The following RNF115 variants were observed in gnomAD, a reference collection of about 807,000 sequenced individuals.
The protein encoded by RNF115 is E3 ubiquitin-protein ligase RNF115.
RNF115 carries 31 observed loss-of-function variants against 39.2 expected under a neutral mutation model. That is an observed-to-expected ratio of 0.79 (90% CI 0.59 to 1.07). The LOEUF (loss-of-function observed/expected upper bound fraction) is 1.07. RNF115 is among the 50% of genes least tolerant of loss of function. The pLI, the probability that RNF115 is intolerant of heterozygous loss-of-function variation, is 0.00. For synonymous variants in RNF115, 124 were observed against 131.0 expected (o/e 0.95, Z 0.37); for missense variants, 384 against 381.7 (o/e 1.01, Z -0.05).
chr1:145,808,858 TTA>T (rs1649570938), intron 1 of RNF115, among the ~76,000 whole-genome samples: 1 of 152,098 alleles, frequency 6.6e-6, no homozygotes, highest in Non-Finnish European at 1.5e-5. Flanking sequence ...AACCAACAGT[TTA>T]ATAAGTTTGA....
At chr1:145,751,751 C>G (rs34695381) in intron 5 of RNF115, among the ~76,000 whole-genome samples, 43,233 of 152,134 alleles carry the variant, frequency 0.28, 7,178 homozygotes, top group Non-Finnish European at 0.37. Context: ...ACCTAAAGTA[C>G]CACATGACAC....
chr1:145,816,818 G>T (rs1184024446), intron 1 of RNF115, among the ~76,000 whole-genome samples: 4 of 133,732 alleles, frequency 3.0e-5, no homozygotes, highest in African/African-American at 1.0e-4. Flanking sequence ...GCCCAGGCTG[G>T]AGTACAGTGG....
At chr1:145,822,068 T>C (rs1461309138) in intron 1 of RNF115, among the ~76,000 whole-genome samples, 1 of 151,838 alleles carries the variant, frequency 6.6e-6, no homozygotes, top group African/African-American at 2.4e-5. Flanking sequence ...GGCTCACGCC[T>C]GTAATCCCAG....
At chr1:145,811,304 T>A (rs1216626119) in intron 1 of RNF115, among the ~76,000 whole-genome samples, 1 of 142,926 alleles carries the variant, frequency 7.0e-6, no homozygotes, top group Non-Finnish European at 1.5e-5. Context: ...GAGGACAGCT[T>A]GAGCCTAACT....
At chr1:145,767,746 G>A (rs1191413815) in intron 4 of RNF115, among the ~76,000 whole-genome samples, 3 of 152,382 alleles carry the variant, frequency 2.0e-5, no homozygotes, top group Admixed American at 6.5e-5. Context: ...CGAGGCTGGC[G>A]GATCACTCGC....
At chr1:145,764,404 C>T (rs186150367) in intron 4 of RNF115, among the ~76,000 whole-genome samples, 224 of 151,944 alleles carry the variant, frequency 1.5e-3, no homozygotes, top group African/African-American at 5.3e-3. Flanking sequence ...AGCGTCTCTG[C>T]CGGCCGCCCA....
chr1:145,784,728 T>C, intron 2 of RNF115, 132 bp from the exon 3 acceptor site: 1 of 657,570 alleles, frequency 1.5e-6, no homozygotes, highest in Non-Finnish European at 2.7e-6. Context: ...CAACACCTAT[T>C]AAAGGAAATT....
chr1:145,746,011 G>T lies in RNF115; in HGVS notation c.*855C>A, dbSNP rs1553711694. On this transcript the variant is annotated 3_prime_UTR_variant, in exon 9 of 9. Coordinates refer to ENST00000582693, the MANE Select transcript of RNF115 (RefSeq NM_014455.4). The stretch of plus-strand genomic sequence containing the variant: ...GGAGGCTGAGGCAGGCGGAGCACAA[G>T]GTCAGGAGATTGAGACCATCCTGGC... The T allele has an allele frequency of 6.6e-6, 1 of 151,680 alleles. No individual in the cohort carries two copies. The highest frequency in any genetic ancestry group is 1.5e-5 in the Non-Finnish European group (1 of 67,974). The allele number at this position is 151,680 out of a possible 1,614,324, so 9.4% of individuals were successfully genotyped here. A position where few individuals can be genotyped will look rare whatever the true frequency, so the allele number is the denominator to read the frequency against.
At chr1:145,804,017 A>G (rs1222069156) in intron 1 of RNF115, among the ~76,000 whole-genome samples, 2 of 152,250 alleles carry the variant, frequency 1.3e-5, no homozygotes, top group East Asian at 1.9e-4. Flanking sequence ...TGGCATAAAT[A>G]TAAAATGATA....
intron 1 of RNF115, among the ~76,000 whole-genome samples, chr1:145,809,608 C>T (rs1467759310): frequency 2.1e-5 from 2 of 93,606 alleles, no homozygotes; most frequent in African/African-American, 8.9e-5. Context: ...AATTCTTCTG[C>T]ATCAGCCTCC....
intron 1 of RNF115, among the ~76,000 whole-genome samples, chr1:145,793,490 CCTCTCTCA>C (rs1300467859): frequency 2.6e-5 from 4 of 151,578 alleles, no homozygotes; most frequent in Non-Finnish European, 4.4e-5. Flanking sequence ...CTTCTCTCTC[CCTCTCTCA>C]CTCATTCCTA....
chr1:145,764,730 C>T (rs1658689090), intron 4 of RNF115, among the ~76,000 whole-genome samples: 1 of 149,574 alleles, frequency 6.7e-6, no homozygotes, highest in Non-Finnish European at 1.5e-5. Flanking sequence ...CCCCGCCCGG[C>T]CAGCTGCCCC....
intron 1 of RNF115, among the ~76,000 whole-genome samples, chr1:145,806,828 CAG>C (rs1213140372): frequency 4.6e-5 from 7 of 152,288 alleles, no homozygotes; most frequent in South Asian, 2.1e-4. Flanking sequence ...TTTGTTGAGA[CAG>C]AGTCTTTTTC....
At chr1:145,752,658 G>A (rs946698528) in intron 5 of RNF115, among the ~76,000 whole-genome samples, 2 of 144,684 alleles carry the variant, frequency 1.4e-5, no homozygotes. Flanking sequence ...GCGCGATCTC[G>A]GCTCACTGCA....
At chr1:145,764,697 C>G (rs587727160) in intron 4 of RNF115, among the ~76,000 whole-genome samples, 1 of 151,854 alleles carries the variant, frequency 6.6e-6, no homozygotes, top group Non-Finnish European at 1.5e-5. Context: ...CCACTCGGTC[C>G]GGGAGGGAGG....
chr1:145,759,467 CTCTT>C (rs1238871338), intron 4 of RNF115, among the ~76,000 whole-genome samples: 7 of 152,172 alleles, frequency 4.6e-5, no homozygotes, highest in African/African-American at 1.7e-4. Context: ...GGTGTCATAA[CTCTT>C]CTTTCTGTTA....
intron 1 of RNF115, among the ~76,000 whole-genome samples, chr1:145,798,175 T>C (rs1649069468): frequency 6.6e-6 from 1 of 152,196 alleles, no homozygotes; most frequent in Non-Finnish European, 1.5e-5. Flanking sequence ...TTTTTGCTTT[T>C]GTTGCCTGTG....
At chr1:145,821,363 T>C (rs1258712625) in intron 1 of RNF115, among the ~76,000 whole-genome samples, 1 of 130,500 alleles carries the variant, frequency 7.7e-6, no homozygotes, top group East Asian at 2.0e-4. Context: ...GAAAAACACC[T>C]ATTCAGCTTT....
rs186919364 is a variant in RNF115 at position 145,751,918 on chromosome 1, C to T, written c.501-408G>A. 1.6e-4 allele frequency among the ~76,000 whole-genome samples: 25 copies of T among 152,216 alleles called. 1 individual carries two copies. Among genetic ancestry groups the T allele is most frequent in the African/African-American group, 4.6e-4 (19 of 41,518 alleles). On this transcript the variant is annotated intron_variant, in intron 5 of 8. Transcript: ENST00000582693. ...GCAAACATCCCTCATTATAAGAGGCCGCCCACAGTTCTGGACAATGAGGAG... is the reference window on the plus strand; with the variant it reads ...GCAAACATCCCTCATTATAAGAGGCTGCCCACAGTTCTGGACAATGAGGAG...
Sources: gnomAD v4.1 joint callset for allele counts (sites outside exome capture counted in the v4.1 genomes callset) on GRCh38, gnomAD v4.1.1 for gene constraint, MANE v1.5 for transcripts, NCBI Gene and HGNC (gene_info 2026-07-23, HGNC 2026-07-21) for gene names.